The following TUB variants were observed in gnomAD, a reference collection of about 807,000 sequenced individuals.
TUB encodes tubby protein homolog.
TUB carries 33 observed loss-of-function variants against 59.7 expected under a neutral mutation model. The observed-to-expected ratio is 0.55, with a 90% CI of 0.42 to 0.74. The LOEUF is 0.74. Ranked by LOEUF, TUB falls within the 30% of genes least tolerant of loss-of-function variation. The pLI, the probability that TUB is intolerant of heterozygous loss-of-function variation, is 0.00. For synonymous variants in TUB, 293 were observed against 256.4 expected (o/e 1.14, Z -1.36); for missense variants, 659 against 672.0 (o/e 0.98, Z 0.21).
intron 2 of TUB, among the ~76,000 whole-genome samples, chr11:8,071,501 G>C (rs907994516): frequency 6.6e-6 from 1 of 151,990 alleles, no homozygotes; most frequent in African/African-American, 2.4e-5. Flanking sequence ...GCCTAAACTT[G>C]GGATTCCTGA....
intron 2 of TUB, among the ~76,000 whole-genome samples, chr11:8,055,166 T>G (rs1942998972): frequency 6.6e-6 from 1 of 152,080 alleles, no homozygotes; most frequent in Non-Finnish European, 1.5e-5. Context: ...ATGTAGAGTC[T>G]AGAGAGGACA....
At chr11:8,039,383 C>T (rs542981989) in intron 1 of TUB, 1 of 456,754 alleles carries the variant, frequency 2.2e-6, no homozygotes, top group African/African-American at 2.0e-5. Flanking sequence ...CTCCCCACCC[C>T]CCAGTGCTTC....
intron 2 of TUB, among the ~76,000 whole-genome samples, chr11:8,070,084 CA>C (rs1170087103): frequency 2.0e-5 from 3 of 152,220 alleles, no homozygotes; most frequent in Non-Finnish European, 4.4e-5. Context: ...CCCACGTTCA[CA>C]AACCATCTTG....
At chr11:8,082,240 A>G (rs1203556324) in intron 1 of TUB, among the ~76,000 whole-genome samples, 1 of 152,260 alleles carries the variant, frequency 6.6e-6, no homozygotes, top group African/African-American at 2.4e-5. Context: ...CACAGTACAT[A>G]GAACTGCCCT....
intron 2 of TUB, among the ~76,000 whole-genome samples, chr11:8,071,111 T>G (rs1424134747): frequency 5.3e-5 from 8 of 152,164 alleles, no homozygotes; most frequent in Admixed American, 5.2e-4. Flanking sequence ...TCCTAAGCAC[T>G]CATCACCTCG....
chr11:8,030,462 G>T (rs1307643770), intron 1 of TUB, among the ~76,000 whole-genome samples: 1 of 152,126 alleles, frequency 6.6e-6, no homozygotes, highest in Non-Finnish European at 1.5e-5. Flanking sequence ...TGTCCTGAAG[G>T]TGCAGCAGTT....
chr11:8,089,495 C>G, intron 1 of TUB, 115 bp from the exon 2 acceptor site: 1 of 1,288,836 alleles, frequency 7.8e-7, no homozygotes, highest in Non-Finnish European at 1.1e-6. Flanking sequence ...TCACTGAGTC[C>G]CAGCAGCCGT....
At chr11:8,064,507 C>T (rs1254877514) in intron 2 of TUB, among the ~76,000 whole-genome samples, 1 of 152,174 alleles carries the variant, frequency 6.6e-6, no homozygotes, top group Non-Finnish European at 1.5e-5. Context: ...AGAGGCCTGG[C>T]TGGGTAAGAT....
intron 1 of TUB, among the ~76,000 whole-genome samples, chr11:8,088,925 G>A (rs1020971385): frequency 3.3e-5 from 5 of 152,228 alleles, no homozygotes; most frequent in African/African-American, 1.2e-4. Context: ...TGGTTGCTGG[G>A]CTGTACATTG....
rs748077261 is a variant in TUB at position 8,100,607 on chromosome 11, T to C, written c.1215+6T>C. 1.2e-6 allele frequency: 2 copies of C among 1,612,658 alleles called. No individual in the cohort carries two copies. Among genetic ancestry groups the C allele is most frequent in the South Asian group, 2.2e-5 (2 of 90,974 alleles). On this transcript the variant is annotated splice_donor_region_variant and intron_variant, in intron 10 of 11. Transcript: ENST00000299506. Reference sequence around the variant, plus strand: ...TCTCTATCCGCCCCCGCAACGTGAGTGTCTACCCCTTCCTCCCCTCTTTCC... The same window carrying C: ...TCTCTATCCGCCCCCGCAACGTGAGCGTCTACCCCTTCCTCCCCTCTTTCC...
intron 7 of TUB, 79 bp downstream of exon 7, chr11:8,097,504 C>A: frequency 1.3e-6 from 2 of 1,582,358 alleles, no homozygotes; most frequent in Admixed American, 1.7e-5. Flanking sequence ...GACTGGAAGT[C>A]TCATATCTAC....
rs1455358029 is a variant in TUB at position 8,105,120 on chromosome 11, G to A, written c.*3501G>A. 2 of 152,144 alleles carry A rather than the reference G, an allele frequency of 1.3e-5. No homozygotes were observed. The highest frequency in any genetic ancestry group is 2.9e-5 in the Non-Finnish European group (2 of 68,024). 9.4% of individuals were successfully genotyped at this position (152,144 alleles called of 1,614,324 possible). ...ATAGCCATTTCCATGGCTCTGTTATGCAAGCACAAATTTCATCTCCTAGAT... is the reference window on the plus strand; with the variant it reads ...ATAGCCATTTCCATGGCTCTGTTATACAAGCACAAATTTCATCTCCTAGAT... On this transcript the variant is annotated 3_prime_UTR_variant, in exon 12 of 12. Transcript: ENST00000299506.
chr11:8,082,701 C>T (rs2133817310), intron 1 of TUB, among the ~76,000 whole-genome samples: 1 of 152,378 alleles, frequency 6.6e-6, no homozygotes, highest in East Asian at 1.9e-4. Context: ...GGGCTCTTCT[C>T]TGAGTCTGTC....
chr11:8,086,759 G>C (rs1410624419), intron 1 of TUB, among the ~76,000 whole-genome samples: 2 of 152,162 alleles, frequency 1.3e-5, no homozygotes, highest in East Asian at 3.9e-4. Flanking sequence ...AGCTGTGCAT[G>C]CTCCTTTCCT....
At chr11:8,019,255 C>G in exon 1 of TUB, 1 of 1,241,404 alleles carries the variant, frequency 8.1e-7, no homozygotes, top group Non-Finnish European at 1.0e-6. Context: ...AGCCCCAAGC[C>G]CAGCGCCGCC....
chr11:8,079,647 C>CGT (rs1943506304), upstream of TUB, among the ~76,000 whole-genome samples: 1 of 146,128 alleles, frequency 6.8e-6, no homozygotes, highest in African/African-American at 2.5e-5. Flanking sequence ...AGAGAGAGGC[C>CGT]ATGTGTGTGT....
At chr11:8,042,201 A>G (rs1942763045) in intron 2 of TUB, among the ~76,000 whole-genome samples, 1 of 151,226 alleles carries the variant, frequency 6.6e-6, no homozygotes, top group Admixed American at 6.6e-5. Context: ...CCTATTCTGG[A>G]CATTTCATGT....
intron 3 of TUB, among the ~76,000 whole-genome samples, chr11:8,092,722 G>C (rs1233365327): frequency 6.6e-6 from 1 of 152,130 alleles, no homozygotes; most frequent in Non-Finnish European, 1.5e-5. Flanking sequence ...AGGTTCAAAT[G>C]GTGGACAAAG....
intron 2 of TUB, among the ~76,000 whole-genome samples, chr11:8,067,131 G>A (rs1175079393): frequency 6.6e-6 from 1 of 152,202 alleles, no homozygotes; most frequent in East Asian, 1.9e-4. Flanking sequence ...CACTCCGTAA[G>A]TCTGACGCCA....
Sources: gnomAD v4.1 joint callset for allele counts (sites outside exome capture counted in the v4.1 genomes callset) on GRCh38, gnomAD v4.1.1 for gene constraint, MANE v1.5 for transcripts, NCBI Gene and HGNC (gene_info 2026-07-23, HGNC 2026-07-21) for gene names.